The following ZBTB46 variants were observed in gnomAD, a reference collection of about 807,000 sequenced individuals.
ZBTB46 encodes zinc finger and BTB domain containing 46.
A neutral mutation model predicts 44.1 loss-of-function variants in ZBTB46; 8 were observed. That is an observed-to-expected ratio of 0.18 (90% CI 0.11 to 0.33). The LOEUF (loss-of-function observed/expected upper bound fraction) is 0.33, where lower values mean the gene tolerates loss of function less well. ZBTB46 is among the 10% of genes least tolerant of loss of function. ZBTB46 has a pLI of 1.00. For synonymous variants in ZBTB46, 409 were observed against 382.3 expected (o/e 1.07, Z -0.81); for missense variants, 651 against 847.7 (o/e 0.77, Z 2.88).
intron 1 of ZBTB46, among the ~76,000 whole-genome samples, chr20:63,812,672 G>A (rs1238376684): frequency 1.3e-5 from 2 of 152,146 alleles, no homozygotes; most frequent in South Asian, 2.1e-4. Flanking sequence ...CCAACTACTC[G>A]GGAGGCTGAG....
upstream of ZBTB46, among the ~76,000 whole-genome samples, chr20:63,831,581 T>TGGCGGGG (rs1185184424): frequency 1.3e-5 from 2 of 148,520 alleles, no homozygotes; most frequent in Non-Finnish European, 3.0e-5. Context: ...TCCCCTGGGC[T>TGGCGGGG]GGCGGGGGGC....
chr20:63,778,718 C>G (rs2092444792), intron 2 of ZBTB46, among the ~76,000 whole-genome samples: 1 of 152,200 alleles, frequency 6.6e-6, no homozygotes, highest in East Asian at 1.9e-4. Flanking sequence ...AAACTCTACT[C>G]TTTTTCCAAA....
At chr20:63,774,468 T>C (rs181037562) in intron 3 of ZBTB46, among the ~76,000 whole-genome samples, 68 of 152,250 alleles carry the variant, frequency 4.5e-4, no homozygotes, top group African/African-American at 1.6e-3. Context: ...GCAAACAATG[T>C]GTCCACACCA....
chr20:63,775,572 G>A (rs1210821122), intron 3 of ZBTB46, 106 bp downstream of exon 3: 3 of 1,428,740 alleles, frequency 2.1e-6, no homozygotes, highest in Admixed American at 4.9e-5. Context: ...AGGCGGCCGA[G>A]CAGCAGGGAC....
intron 1 of ZBTB46, among the ~76,000 whole-genome samples, chr20:63,811,570 G>A (rs192566944): frequency 1.7e-4 from 26 of 151,766 alleles, no homozygotes; most frequent in Admixed American, 1.4e-3. Context: ...GGGGTGCAGA[G>A]AGGGGGTGGC....
intron 1 of ZBTB46, among the ~76,000 whole-genome samples, chr20:63,812,517 C>T (rs1281844926): frequency 6.6e-6 from 1 of 152,166 alleles, no homozygotes; most frequent in African/African-American, 2.4e-5. Context: ...TGGTGCGCGC[C>T]TATAATCCCA....
intron 1 of ZBTB46, among the ~76,000 whole-genome samples, chr20:63,800,231 TAAGAG>T (rs749501299): frequency 5.3e-5 from 8 of 152,172 alleles, no homozygotes; most frequent in Non-Finnish European, 1.0e-4. Flanking sequence ...TTACGCTGAG[TAAGAG>T]AAGACAGTCA....
intron 1 of ZBTB46, among the ~76,000 whole-genome samples, chr20:63,804,153 ACCTCAGCAGCTCCAGG>A (rs2092666984): frequency 1.3e-5 from 2 of 151,600 alleles, no homozygotes; most frequent in African/African-American, 4.9e-5. Context: ...TTCCACTCCC[ACCTCAGCAGCTCCAGG>A]CCTCAGCATC....
chr20:63,775,657 G>GC (rs2092418878), intron 3 of ZBTB46, 21 bp downstream of exon 3: 1 of 1,530,654 alleles, frequency 6.5e-7, no homozygotes, highest in East Asian at 2.3e-5. Flanking sequence ...AAGCCAAGCG[G>GC]CCCCCAGGGC....
intron 1 of ZBTB46, among the ~76,000 whole-genome samples, chr20:63,804,622 G>A (rs537946305): frequency 1.3e-5 from 2 of 152,222 alleles, no homozygotes; most frequent in East Asian, 1.9e-4. Flanking sequence ...GGCCGGGCAC[G>A]GTGGCTCACG....
At position 63,746,832 on chromosome 20, in the gene ZBTB46, G is replaced by A. The variant is rs2092094176; in HGVS notation, c.*98C>T. ...GGGGGAAGCAGAGGAGGGGCCGCGA[G>A]AGGGGTGAGCGTGGCCCTGGCCCCG... is the stretch of plus-strand genomic sequence containing the variant. On this transcript the variant is annotated 3_prime_UTR_variant, in exon 5 of 5. Transcript: ENST00000245663. 3 of 1,410,294 alleles carry A rather than the reference G, an allele frequency of 2.1e-6. No homozygotes were observed. Among genetic ancestry groups the A allele is most frequent in the South Asian group, 1.6e-5 (1 of 64,426 alleles). 87.4% of individuals were successfully genotyped at this position (1,410,294 alleles called of 1,614,324 possible).
chr20:63,790,738 T>C lies in ZBTB46; in HGVS notation c.20A>G (p.Asp7Gly). 1 of 1,606,598 alleles carries C rather than the reference T, an allele frequency of 6.2e-7. No individual in the cohort carries two copies. Among genetic ancestry groups the C allele is most frequent in the South Asian group, 1.1e-5 (1 of 90,958 alleles). Residue 7 changes from aspartate to glycine, a missense_variant, in exon 2 of 5, where the codon GAT becomes GGT. Coordinates refer to ENST00000245663, the MANE Select transcript of ZBTB46 (RefSeq NM_001369741.1). The stretch of plus-strand genomic sequence containing the variant: ...CCGGTAGTGGGACGTGATTTCCATA[T>C]CTTCCTTTCGGTTGTTCATTTGGAA... MNNRKE[D>G]MEITSHYRHL...
chr20:63,803,627 C>T lies in ZBTB46; in HGVS notation c.-33-12837G>A, dbSNP rs2092663435. 1.6e-6 allele frequency: 1 copy of T among 620,806 alleles called. No individual in the cohort carries two copies. Among genetic ancestry groups the T allele is most frequent in the Non-Finnish European group, 2.0e-6 (1 of 497,092 alleles). The allele number at this position is 620,806 out of a possible 1,614,324, so 38.5% of individuals were successfully genotyped here. On this transcript the variant is annotated intron_variant, in intron 1 of 4. Coordinates refer to ENST00000245663, the MANE Select transcript of ZBTB46 (RefSeq NM_001369741.1). The surrounding 1 kb of genome is among the most constrained non-coding windows in gnomAD (Gnocchi z 4.0). The stretch of plus-strand genomic sequence containing the variant: ...AGCCCCGCCCCTCCCTGCCCACTGG[C>T]CCCTTTCAGTTCCTTCATCTCCAGC...
rs750119395 is a variant in ZBTB46 at position 63,752,821 on chromosome 20, C to G, written c.1263G>C (p.Pro421=). ...GGTGCATGGCCGAGAAGCTGCAGTA[C>G]GGACACTTGAACTTCTTCCTGATCA... ...FTVIRKKFKC[P]YCSFSAMHQC... The change falls in exon 4 of 5, where the codon CCG becomes CCC. Residue 421 remains proline, a synonymous_variant. Coordinates refer to ENST00000245663, the MANE Select transcript of ZBTB46 (RefSeq NM_001369741.1). This position sits in a 1 kb window ranked among gnomAD's most constrained non-coding sequence, Gnocchi z 5.6. 1 of 1,612,144 alleles carries G rather than the reference C, an allele frequency of 6.2e-7. No homozygotes were observed. Among genetic ancestry groups the G allele is most frequent in the Non-Finnish European group, 8.5e-7 (1 of 1,178,858 alleles).
At chr20:63,810,040 G>GT (rs2092709024) in intron 1 of ZBTB46, among the ~76,000 whole-genome samples, 1 of 152,156 alleles carries the variant, frequency 6.6e-6, no homozygotes. Flanking sequence ...AAAGGTGGCC[G>GT]TGACACAGGA....
chr20:63,829,045 C>G (rs953790543), intron 1 of ZBTB46, among the ~76,000 whole-genome samples: 1 of 152,244 alleles, frequency 6.6e-6, no homozygotes, highest in Non-Finnish European at 1.5e-5. Flanking sequence ...AGTACATCGT[C>G]TGACAATAAC....
At chr20:63,833,516 G>A (rs1257820645), upstream of ZBTB46, among the ~76,000 whole-genome samples, 4 of 152,196 alleles carry the variant, frequency 2.6e-5, no homozygotes, top group South Asian at 2.1e-4. Context: ...GCGTCAACCC[G>A]GGAGGTGGAG....
rs1222257299 is a variant in ZBTB46 at position 63,752,719 on chromosome 20, G to A, written c.1365C>T (p.Phe455=). Residue 455 remains phenylalanine, a synonymous_variant, in exon 4 of 5, where the codon TTC becomes TTT. Coordinates refer to ENST00000245663, the MANE Select transcript of ZBTB46 (RefSeq NM_001369741.1). This position sits in a 1 kb window ranked among gnomAD's most constrained non-coding sequence, Gnocchi z 5.6. ...PYPCEICGKK[F]TRREHMKRHT... ...GGCGCTTCATGTGCTCGCGCCGCGT[G>A]AACTTCTTCCCGCAGATCTCGCAGG... 4 of 1,605,444 alleles carry A rather than the reference G, an allele frequency of 2.5e-6. No individual in the cohort carries two copies. The highest frequency in any genetic ancestry group is 4.5e-5 in the East Asian group (2 of 44,684).
intron 3 of ZBTB46, among the ~76,000 whole-genome samples, chr20:63,765,622 GTC>G (rs1298312029): frequency 1.3e-5 from 2 of 152,112 alleles, no homozygotes; most frequent in Non-Finnish European, 2.9e-5. Flanking sequence ...TAGAGACAAG[GTC>G]TCCCTATGTT....
Sources: allele counts gnomAD v4.1 joint callset (sites outside exome capture counted in the v4.1 genomes callset), GRCh38; gene constraint gnomAD v4.1.1; non-coding constraint Gnocchi (gnomAD v3.1); transcripts MANE v1.5; gene names NCBI Gene and HGNC (gene_info 2026-07-23, HGNC 2026-07-21).